ADCY10: variants seen among roughly 807,000 people sequenced by gnomAD.
The protein encoded by ADCY10 is adenylate cyclase type 10.
ADCY10 carries 156 observed loss-of-function variants against 183.3 expected under a neutral mutation model. The ratio of observed to expected loss-of-function variants is 0.85; its 90% confidence interval spans 0.75 to 0.97. The LOEUF is 0.97. Among genes scored for constraint, ADCY10 ranks in the 50% least tolerant of loss-of-function variants. The probability of loss-of-function intolerance (pLI) is 0.00; values close to 1 mark genes in which losing one functional copy is unlikely to be tolerated. For synonymous variants in ADCY10, 645 were observed against 670.0 expected (o/e 0.96, Z 0.58); for missense variants, 1,745 against 1,934.3 (o/e 0.90, Z 1.84).
chr1:167,817,074 T>G (rs1662576514), intron 31 of ADCY10, among the ~76,000 whole-genome samples: 1 of 151,878 alleles, frequency 6.6e-6, no homozygotes, highest in Non-Finnish European at 1.5e-5. Context: ...AGAAGTGGTG[T>G]TGTTTTGGCC....
intron 21 of ADCY10, among the ~76,000 whole-genome samples, chr1:167,841,940 T>C (rs1033984298): frequency 6.6e-6 from 1 of 152,208 alleles, no homozygotes; most frequent in African/African-American, 2.4e-5. Context: ...GTTCAACATA[T>C]CTGTAGAAGA....
chr1:167,865,129 T>C (rs937778898), intron 14 of ADCY10, among the ~76,000 whole-genome samples: 1 of 152,176 alleles, frequency 6.6e-6, no homozygotes, highest in Non-Finnish European at 1.5e-5. Context: ...TCCTGAGTAC[T>C]ATTGAAGAAA....
intron 28 of ADCY10, among the ~76,000 whole-genome samples, chr1:167,823,473 C>T (rs1018244454): frequency 6.1e-5 from 9 of 147,746 alleles, no homozygotes; most frequent in Admixed American, 1.4e-4. Flanking sequence ...TTTGGGGCCT[C>T]GGAGGGGAGG....
At chr1:167,823,208 C>CTT in intron 28 of ADCY10, 85 bp from the exon 29 acceptor site, 1 of 1,148,516 alleles carries the variant, frequency 8.7e-7, no homozygotes, top group South Asian at 1.2e-5. Context: ...GGGTGGATCA[C>CTT]GAGGTCAGGA....
chr1:167,880,583 G>A lies in ADCY10; in HGVS notation c.1047C>T (p.Gly349=), dbSNP rs1217565816. Residue 349 remains glycine, a synonymous_variant, in exon 10 of 33, where the codon GGC becomes GGT. Transcript: ENST00000367851. The stretch of plus-strand genomic sequence containing the variant: ...CGTCAGGTACCTTTTCCCCAGGGAA[G>A]CCAAAGACACAGAGGAAAGAGCAGC... ...DKGCSFLCVF[G]FPGEKVPDEL... is the part of the protein sequence containing the mutation. 1.2e-6 allele frequency: 2 copies of A among 1,613,936 alleles called. No individual in the cohort carries two copies. Among genetic ancestry groups the A allele is most frequent in the Admixed American group, 1.7e-5 (1 of 60,018 alleles).
chr1:167,833,022 A>G lies in ADCY10; in HGVS notation c.3558T>C (p.Tyr1186=), dbSNP rs200563398. The G allele has an allele frequency of 4.6e-5, 75 of 1,614,014 alleles. No individual in the cohort carries two copies. The highest frequency in any genetic ancestry group is 4.1e-4 in the African/African-American group (31 of 74,922). ...IHVEKNRHFH[Y]VNRQAQESPP... ...GGCTCTCTTGGGCCTGCCGATTCAC[A>G]TAATGAAAGTGTCTGTTTTTCTCGA... Residue 1186 remains tyrosine, a synonymous_variant, in exon 25 of 33, where the codon TAT becomes TAC. Coordinates refer to ENST00000367851, the MANE Select transcript of ADCY10 (RefSeq NM_018417.6).
intron 5 of ADCY10, 76 bp from the exon 6 acceptor site, chr1:167,899,704 C>A (rs1370959418): frequency 2.1e-6 from 3 of 1,428,880 alleles, no homozygotes; most frequent in East Asian, 4.7e-5. Context: ...TTTGGAAAAA[C>A]CATAATCTTG....
Position 167,829,381 on chromosome 1 carries a change from A to T in ADCY10, c.3636T>A (p.Leu1212=). The stretch of plus-strand genomic sequence containing the variant: ...AGCTATAGATGCGCCACAGCAAGGA[A>T]AGGCAGACAGTTTGCCGGTAAAGTT... The part of the protein sequence containing the change: ...LAQLYRQTVC[L]SLLWRIYSYS... Residue 1212 remains leucine (L), a synonymous_variant, in exon 26 of 33, where the codon CTT becomes CTA. Transcript: ENST00000367851. 6.2e-7 allele frequency: 1 copy of T among 1,614,216 alleles called. No homozygotes were observed. Among genetic ancestry groups the T allele is most frequent in the Non-Finnish European group, 8.5e-7 (1 of 1,180,002 alleles).
intron 6 of ADCY10, among the ~76,000 whole-genome samples, chr1:167,898,238 TA>T (rs1669143137): frequency 6.6e-6 from 1 of 152,034 alleles, no homozygotes; most frequent in African/African-American, 2.4e-5. Context: ...AACTCTGTAT[TA>T]TTTTTTCAAC....
intron 23 of ADCY10, among the ~76,000 whole-genome samples, chr1:167,835,182 A>G (rs891400915): frequency 6.6e-6 from 1 of 152,218 alleles, no homozygotes; most frequent in Non-Finnish European, 1.5e-5. Flanking sequence ...CATTTCCTCA[A>G]GTGAGTTCAT....
chr1:167,863,919 C>G (rs1666480661), intron 14 of ADCY10, among the ~76,000 whole-genome samples: 1 of 152,156 alleles, frequency 6.6e-6, no homozygotes, highest in Admixed American at 6.6e-5. Flanking sequence ...TTTATCAGCA[C>G]TTGGTTTTGG....
chr1:167,854,159 G>A (rs532540984), intron 18 of ADCY10, among the ~76,000 whole-genome samples, 194 bp downstream of exon 18: 85 of 152,010 alleles, frequency 5.6e-4, no homozygotes, highest in African/African-American at 2.0e-3. Context: ...ATCTTTAGCC[G>A]AGTCCAGTGA....
intron 26 of ADCY10, among the ~76,000 whole-genome samples, chr1:167,826,538 A>G (rs1394204535): frequency 6.6e-6 from 1 of 152,110 alleles, no homozygotes; most frequent in Non-Finnish European, 1.5e-5. Context: ...TTCACATTCT[A>G]TCCTGACTTT....
intron 1 of ADCY10, among the ~76,000 whole-genome samples, chr1:167,913,302 C>T (rs1400834967): frequency 1.3e-5 from 2 of 152,202 alleles, no homozygotes; most frequent in East Asian, 3.9e-4. Flanking sequence ...AATTAGGGTT[C>T]GATTATATTC....
intron 31 of ADCY10, among the ~76,000 whole-genome samples, chr1:167,813,477 G>A (rs553065004): frequency 1.3e-5 from 2 of 151,866 alleles, no homozygotes; most frequent in East Asian, 3.9e-4. Flanking sequence ...ATTACCACCA[G>A]GACTTTCTTC....
intron 15 of ADCY10, 36 bp downstream of exon 15, chr1:167,860,835 G>T: frequency 6.4e-7 from 1 of 1,571,092 alleles, no homozygotes; most frequent in Non-Finnish European, 8.8e-7. Context: ...GCCTGCCCAT[G>T]GCTATTTGTG....
intron 28 of ADCY10, 50 bp downstream of exon 28, chr1:167,824,426 A>G (rs1558150236): frequency 6.7e-7 from 1 of 1,502,204 alleles, no homozygotes; most frequent in Non-Finnish European, 9.3e-7. Context: ...AGAATACTCA[A>G]TAATACGGCC....
rs10918783 is a variant in ADCY10 at position 167,848,941 on chromosome 1, C to T, written c.2309-452G>A. On this transcript the variant is annotated intron_variant, in intron 18 of 32. Transcript: ENST00000367851. ...AGGTATGAGCCACACTGCACCAGGC[C>T]GCTGGAAACCTTATTCTAAGTAAAA... 7.9e-5 allele frequency among the ~76,000 whole-genome samples: 12 copies of T among 152,102 alleles called. No individual in the cohort carries two copies. The South Asian group carries it at 8.3e-4, about 11-fold the overall frequency.
At position 167,819,776 on chromosome 1, in the gene ADCY10, G is replaced by C; in HGVS notation, c.4287-1509C>G. The C allele has an allele frequency of 2.8e-5, 13 of 464,840 alleles. No homozygotes were observed. The South Asian group carries it at 3.2e-4, about 11-fold the overall frequency. 28.8% of individuals were successfully genotyped at this position (464,840 alleles called of 1,614,324 possible). Reference sequence around the variant, plus strand: ...GATGGGGTTTCTCCATGTTGGTCAGGCTGGTCTTGAACTCCCGACCTCAGG... The same window carrying C: ...GATGGGGTTTCTCCATGTTGGTCAGCCTGGTCTTGAACTCCCGACCTCAGG... On this transcript the variant is annotated intron_variant, in intron 30 of 32. Transcript: ENST00000367851.
Sources: allele counts gnomAD v4.1 joint callset (sites outside exome capture counted in the v4.1 genomes callset), GRCh38; gene constraint gnomAD v4.1.1; transcripts MANE v1.5; gene names NCBI Gene and HGNC (gene_info 2026-07-23, HGNC 2026-07-21).